Variants in GPLD1 observed in about 807,000 individuals in gnomAD.
GPLD1 encodes glycosylphosphatidylinositol specific phospholipase D1, also known as phosphatidylinositol-glycan-specific phospholipase D.
A neutral mutation model predicts 112.6 loss-of-function variants in GPLD1; 84 were observed. The ratio of observed to expected loss-of-function variants is 0.75; its 90% confidence interval spans 0.63 to 0.89. The LOEUF is 0.89. Ranked by LOEUF, GPLD1 falls within the 40% of genes least tolerant of loss-of-function variation. The pLI is 0.00. For synonymous variants in GPLD1, 386 were observed against 403.8 expected (o/e 0.96, Z 0.53); for missense variants, 1,044 against 1,051.5 (o/e 0.99, Z 0.10).
intron 20 of GPLD1, among the ~76,000 whole-genome samples, chr6:24,438,336 G>A (rs1213219121): frequency 6.6e-6 from 1 of 152,188 alleles, no homozygotes; most frequent in Admixed American, 6.5e-5. Flanking sequence ...TTATTATTTG[G>A]AACACAGCTT....
At chr6:24,474,983 G>A in intron 5 of GPLD1, 138 bp downstream of exon 5, 1 of 543,562 alleles carries the variant, frequency 1.8e-6, no homozygotes, top group South Asian at 3.1e-5. Context: ...GGAAAAGATG[G>A]GACTCTAACC....
At chr6:24,483,742 G>T (rs1365799096) in intron 2 of GPLD1, among the ~76,000 whole-genome samples, 1 of 151,842 alleles carries the variant, frequency 6.6e-6, no homozygotes, top group East Asian at 1.9e-4. Context: ...ATTAGAATTG[G>T]TGGTATTTTC....
chr6:24,472,936 C>A lies in GPLD1; in HGVS notation c.491-300G>T, dbSNP rs867162273. On this transcript the variant is annotated intron_variant, in intron 6 of 24. Transcript: ENST00000230036. ...GATTACAGGCATGCGCCACCACGCC[C>A]AGCTAATTTTTGTATTTTTAGTAGA... 49 of 234,378 alleles carry A rather than the reference C, an allele frequency of 2.1e-4. 1 individual carries two copies. The South Asian group carries it at 2.5e-3, about 12-fold the overall frequency. 14.5% of individuals were successfully genotyped at this position (234,378 alleles called of 1,614,324 possible). A position where few individuals can be genotyped will look rare whatever the true frequency, so the allele number is the denominator to read the frequency against.
At chr6:24,456,431 T>C (rs1424498309) in intron 13 of GPLD1, 67 bp downstream of exon 13, 3 of 998,680 alleles carry the variant, frequency 3.0e-6, no homozygotes, top group Admixed American at 4.7e-5. Context: ...TAAAAAACAG[T>C]TGCAGAATGA....
At chr6:24,435,824 CAAAAAAAAAAA>C (rs557127362) in intron 22 of GPLD1, 1 of 32,898 alleles carries the variant, frequency 3.0e-5, no homozygotes. Flanking sequence ...GACGCTGTCT[CAAAAAAAAAAA>C]AAAAAAAAAA....
At chr6:24,476,528 G>A (rs1191074865) in intron 3 of GPLD1, among the ~76,000 whole-genome samples, 2 of 152,130 alleles carry the variant, frequency 1.3e-5, no homozygotes, top group Non-Finnish European at 2.9e-5. Flanking sequence ...GCCTAAACTG[G>A]CTCACGGAAT....
chr6:24,488,484 T>A (rs1475565149), intron 1 of GPLD1, among the ~76,000 whole-genome samples: 2 of 152,070 alleles, frequency 1.3e-5, no homozygotes, highest in Non-Finnish European at 2.9e-5. Context: ...TAGAATGTTA[T>A]CACAGCTAAT....
At chr6:24,478,273 G>C (rs970058148) in intron 3 of GPLD1, among the ~76,000 whole-genome samples, 1 of 152,110 alleles carries the variant, frequency 6.6e-6, no homozygotes, top group African/African-American at 2.4e-5. Flanking sequence ...CAAAATAATA[G>C]GATTGAGAAA....
intron 15 of GPLD1, 61 bp from the exon 16 acceptor site, chr6:24,448,269 T>C: frequency 9.1e-7 from 1 of 1,103,908 alleles, no homozygotes; most frequent in Admixed American, 1.8e-5. Flanking sequence ...GAACCTTAAA[T>C]AACAGAAGAT....
chr6:24,450,990 A>T (rs752685676), intron 14 of GPLD1, among the ~76,000 whole-genome samples: 6 of 152,192 alleles, frequency 3.9e-5, no homozygotes, highest in Non-Finnish European at 7.3e-5. Flanking sequence ...ACACACAAAC[A>T]GAATAAATAA....
chr6:24,474,374 G>C (rs566463966), intron 5 of GPLD1, among the ~76,000 whole-genome samples: 3 of 152,136 alleles, frequency 2.0e-5, no homozygotes, highest in African/African-American at 7.2e-5. Flanking sequence ...TAAGTCATCA[G>C]GTAAGATCAC....
rs1323127872 is a variant in GPLD1, at chr6:24,450,033, A to G, written c.1336-134T>C. ...CCAAAAGCCGAAGGTGCAGTAAGCT[A>G]TAACATATCTGCAACACATCAGTTA... On this transcript the variant is annotated intron_variant, in intron 14 of 24. Coordinates refer to ENST00000230036, the MANE Select transcript of GPLD1 (RefSeq NM_001503.4). 3 of 599,356 alleles carry G rather than the reference A, an allele frequency of 5.0e-6. 1 individual carries two copies. Among genetic ancestry groups the G allele is most frequent in the South Asian group, 4.1e-5 (2 of 49,200 alleles). The allele number at this position is 599,356 out of a possible 1,614,324, so 37.1% of individuals were successfully genotyped here.
intron 24 of GPLD1, among the ~76,000 whole-genome samples, chr6:24,431,370 A>T (rs943112724): frequency 3.3e-5 from 5 of 152,072 alleles, no homozygotes; most frequent in Non-Finnish European, 7.4e-5. Context: ...TCTTCAGACT[A>T]CTCATTAGCA....
intron 24 of GPLD1, among the ~76,000 whole-genome samples, chr6:24,432,664 G>A (rs1186422845): frequency 6.6e-6 from 1 of 152,152 alleles, no homozygotes; most frequent in Non-Finnish European, 1.5e-5. Context: ...ACTAATAATG[G>A]TTATTTTCTA....
chr6:24,430,577 G>A (rs375082719), intron 24 of GPLD1, among the ~76,000 whole-genome samples: 128 of 138,634 alleles, frequency 9.2e-4, no homozygotes, highest in African/African-American at 3.2e-3. Flanking sequence ...AGAAGTTTCT[G>A]AAATACAGAG....
At chr6:24,448,297 G>C in intron 15 of GPLD1, 89 bp from the exon 16 acceptor site, 3 of 873,086 alleles carry the variant, frequency 3.4e-6, no homozygotes, top group Non-Finnish European at 5.6e-6. Flanking sequence ...ACTGACTCTG[G>C]GTCCAGGTAT....
At chr6:24,452,773 CAAAA>C (rs57715891) in intron 14 of GPLD1, among the ~76,000 whole-genome samples, 34 of 136,500 alleles carry the variant, frequency 2.5e-4, no homozygotes, top group African/African-American at 5.3e-4. Flanking sequence ...GAGTTTATCT[CAAAA>C]AAAAAAAAAA....
chr6:24,477,545 C>G (rs1764061656), intron 3 of GPLD1, among the ~76,000 whole-genome samples: 1 of 151,764 alleles, frequency 6.6e-6, no homozygotes, highest in Admixed American at 6.6e-5. Context: ...ATAGCAAGAC[C>G]ACATCTCTAC....
chr6:24,467,331 C>T, intron 7 of GPLD1, 57 bp from the exon 8 acceptor site: 1 of 919,308 alleles, frequency 1.1e-6, no homozygotes, highest in Non-Finnish European at 1.8e-6. Context: ...AAAATAGTAA[C>T]AACAGCAGCA....
Sources: gnomAD v4.1 joint callset for allele counts (sites outside exome capture counted in the v4.1 genomes callset) on GRCh38, gnomAD v4.1.1 for gene constraint, MANE v1.5 for transcripts, NCBI Gene and HGNC (gene_info 2026-07-23, HGNC 2026-07-21) for gene names.